Variants in DACH2 observed in about 807,000 individuals in gnomAD.
The protein encoded by DACH2 is dachshund homolog 2.
A neutral mutation model predicts 35.8 loss-of-function variants in DACH2; 17 were observed. The ratio of observed to expected loss-of-function variants is 0.48; its 90% CI spans 0.33 to 0.71. The LOEUF (loss-of-function observed/expected upper bound fraction) is 0.71, where lower values mean the gene tolerates loss of function less well. DACH2 is among the 30% of genes least tolerant of loss of function. The pLI is 0.02. For missense variants in DACH2, 469 were observed against 472.7 expected (o/e 0.99, Z 0.07); for synonymous variants, 195 against 177.3 (o/e 1.10, Z -0.79).
chrX:86,452,232 A>G (rs1194797062), intron 2 of DACH2, among the ~76,000 whole-genome samples: 4 of 111,589 alleles, frequency 3.6e-5, no homozygotes, highest in Admixed American at 9.6e-5. Context: ...GTTTGCCAGT[A>G]TTTTATTAAG....
chrX:86,255,596 G>T (rs745733898), intron 1 of DACH2, among the ~76,000 whole-genome samples: 1 of 102,120 alleles, frequency 9.8e-6, no homozygotes, highest in East Asian at 3.1e-4. Flanking sequence ...CAGTGAACTG[G>T]GAGATGACAT....
At chrX:86,629,720 A>G (rs1196366506) in intron 3 of DACH2, among the ~76,000 whole-genome samples, 2 of 99,795 alleles carry the variant, frequency 2.0e-5, no homozygotes, top group Non-Finnish European at 4.0e-5. Context: ...CTATCTCTGC[A>G]GAATAAAAAA....
chrX:86,311,043 C>A (rs1464792747), intron 1 of DACH2, among the ~76,000 whole-genome samples: 1 of 111,462 alleles, frequency 9.0e-6, no homozygotes, highest in Non-Finnish European at 1.9e-5. Flanking sequence ...AGTTTTCCAG[C>A]AGCAGAGATC....
intron 3 of DACH2, among the ~76,000 whole-genome samples, chrX:86,566,783 ACATT>A (rs2039298644): frequency 9.0e-6 from 1 of 111,313 alleles, no homozygotes; most frequent in African/African-American, 3.3e-5. Context: ...AAATAATTTC[ACATT>A]CAATTTCTTA....
At chrX:86,526,221 G>C (rs1429084868) in intron 3 of DACH2, among the ~76,000 whole-genome samples, 1 of 111,510 alleles carries the variant, frequency 9.0e-6, no homozygotes, top group East Asian at 2.8e-4. Context: ...GGATTCTGCA[G>C]AGCAAAATAG....
intron 1 of DACH2, among the ~76,000 whole-genome samples, chrX:86,176,365 G>A (rs2031302449): frequency 9.0e-6 from 1 of 110,582 alleles, no homozygotes; most frequent in Admixed American, 9.7e-5. Context: ...GCAGTTATTG[G>A]TAATTAAAAA....
At chrX:86,208,437 T>C (rs1204265451) in intron 1 of DACH2, among the ~76,000 whole-genome samples, 2 of 111,616 alleles carry the variant, frequency 1.8e-5, no homozygotes, top group African/African-American at 6.5e-5. Context: ...TTCTTGAATT[T>C]ACCTTCTGTA....
chrX:86,698,300 A>C (rs1240341260), intron 5 of DACH2, among the ~76,000 whole-genome samples: 1 of 109,157 alleles, frequency 9.2e-6, no homozygotes, highest in African/African-American at 3.3e-5. Context: ...TCCCTTTAAA[A>C]GTGAAGGAGA....
chrX:86,724,357 CT>C, intron 6 of DACH2, among the ~76,000 whole-genome samples: 1 of 111,743 alleles, frequency 8.9e-6, no homozygotes, highest in South Asian at 3.7e-4. Context: ...GTTTAAAACT[CT>C]TTTGAACATT....
At position 86,540,184 on chromosome X, in the gene DACH2, T is replaced by G. The variant is rs142682167; in HGVS notation, c.640+25793T>G. Among the ~76,000 whole-genome samples the G allele has an allele frequency of 9.4e-3, 1,054 of 112,192 alleles. 17 individuals carry two copies. Among genetic ancestry groups the G allele is most frequent in the African/African-American group, 0.033 (1,011 of 30,928 alleles). ...GAATGCGTTGGATTCATCATTCTTCTGCTACTGAGTGGTTTCTGTCTGCTG... is the reference window on the plus strand; with the variant it reads ...GAATGCGTTGGATTCATCATTCTTCGGCTACTGAGTGGTTTCTGTCTGCTG... On this transcript the variant is annotated intron_variant, in intron 3 of 11. Transcript: ENST00000373125.
At chrX:86,290,691 A>T in intron 1 of DACH2, among the ~76,000 whole-genome samples, 1 of 103,069 alleles carries the variant, frequency 9.7e-6, no homozygotes, top group East Asian at 3.1e-4. Flanking sequence ...TCCTTTCCCC[A>T]TTGCTTGTTT....
At chrX:86,822,642 G>A (rs2042524582) in intron 11 of DACH2, among the ~76,000 whole-genome samples, 1 of 111,774 alleles carries the variant, frequency 8.9e-6, no homozygotes, top group Non-Finnish European at 1.9e-5. Context: ...CAAGACTATA[G>A]TATTTTCCCA....
intron 2 of DACH2, among the ~76,000 whole-genome samples, chrX:86,418,918 A>T (rs1447829396): frequency 9.0e-6 from 1 of 111,588 alleles, no homozygotes; most frequent in Non-Finnish European, 1.9e-5. Context: ...CTGCTTAGAG[A>T]TTTCTTCTGC....
intron 3 of DACH2, among the ~76,000 whole-genome samples, chrX:86,543,833 T>G (rs1162872429): frequency 4.4e-4 from 25 of 56,319 alleles, no homozygotes; most frequent in African/African-American, 1.6e-3. Flanking sequence ...TGGGGACTAT[T>G]GTGGGGTGGG....
At chrX:86,154,339 A>G (rs1390227588) in intron 1 of DACH2, among the ~76,000 whole-genome samples, 1 of 111,389 alleles carries the variant, frequency 9.0e-6, no homozygotes, top group Non-Finnish European at 1.9e-5. Flanking sequence ...TGTTTTTGTG[A>G]AAAAGACATC....
chrX:86,493,563 C>CA (rs1443987080), intron 2 of DACH2, among the ~76,000 whole-genome samples: 1 of 111,476 alleles, frequency 9.0e-6, no homozygotes, highest in African/African-American at 3.3e-5. Flanking sequence ...TATTTTCTCT[C>CA]TCTCATGTAT....
chrX:86,281,199 A>T (rs1043066317), intron 1 of DACH2, among the ~76,000 whole-genome samples: 1 of 111,182 alleles, frequency 9.0e-6, no homozygotes, highest in Non-Finnish European at 1.9e-5. Context: ...ATACACAAAC[A>T]CACAAAATTT....
At chrX:86,154,573 A>T (rs2030480346) in intron 1 of DACH2, among the ~76,000 whole-genome samples, 1 of 111,485 alleles carries the variant, frequency 9.0e-6, no homozygotes, top group Non-Finnish European at 1.9e-5. Context: ...AATAAGCCTG[A>T]TTGTGGAACT....
At chrX:86,360,182 G>A (rs1298964051) in intron 1 of DACH2, among the ~76,000 whole-genome samples, 1 of 111,592 alleles carries the variant, frequency 9.0e-6, no homozygotes, top group African/African-American at 3.3e-5. Context: ...ATCCAGAACA[G>A]TGTGTTATAC....
Sources: gnomAD v4.1 joint callset for allele counts (sites outside exome capture counted in the v4.1 genomes callset) on GRCh38, gnomAD v4.1.1 for gene constraint, MANE v1.5 for transcripts, NCBI Gene and HGNC (gene_info 2026-07-23, HGNC 2026-07-21) for gene names.